Variants in MAML2 observed in about 807,000 individuals in gnomAD.
MAML2 encodes mastermind-like protein 2.
A neutral mutation model predicts 96.1 loss-of-function variants in MAML2; 22 were observed. The ratio of observed to expected loss-of-function variants is 0.23; its 90% CI spans 0.16 to 0.33. The LOEUF (loss-of-function observed/expected upper bound fraction) is 0.33, where lower values mean the gene tolerates loss of function less well. Among genes scored for constraint, MAML2 ranks in the 10% least tolerant of loss-of-function variants. MAML2 has a pLI of 1.00. For synonymous variants in MAML2, 561 were observed against 521.3 expected (o/e 1.08, Z -1.04); for missense variants, 1,367 against 1,392.4 (o/e 0.98, Z 0.29).
At chr11:96,310,668 C>T (rs1417012038) in intron 1 of MAML2, among the ~76,000 whole-genome samples, 1 of 152,192 alleles carries the variant, frequency 6.6e-6, no homozygotes, top group East Asian at 1.9e-4. Flanking sequence ...TAATAAGAAG[C>T]ACTGGACTAA....
rs1184932612 is a variant in MAML2, at chr11:96,221,806, C to T, written c.513+119577G>A. Among the ~76,000 whole-genome samples, 22 of 150,188 alleles carry T rather than the reference C, an allele frequency of 1.5e-4. No individual in the cohort carries two copies. The Admixed American group carries it at 1.5e-3, about 10-fold the overall frequency. On this transcript the variant is annotated intron_variant, in intron 1 of 4. Coordinates refer to ENST00000524717, the MANE Select transcript of MAML2 (RefSeq NM_032427.4). ...AACAGCTAAAATGTTGCCACATTTG[C>T]AGATGTGGCAGATGTGAGCAGAAGA...
intron 1 of MAML2, among the ~76,000 whole-genome samples, chr11:96,287,124 A>G (rs770130420): frequency 3.9e-5 from 6 of 152,250 alleles, no homozygotes; most frequent in Non-Finnish European, 8.8e-5. Flanking sequence ...TACAAGAATG[A>G]AGAATATTGT....
At chr11:96,334,458 C>G (rs1227672708) in intron 1 of MAML2, among the ~76,000 whole-genome samples, 3 of 152,150 alleles carry the variant, frequency 2.0e-5, no homozygotes, top group Non-Finnish European at 4.4e-5. Context: ...GAAAACACAA[C>G]TAAGTGTTAG....
intron 4 of MAML2, among the ~76,000 whole-genome samples, chr11:95,985,061 C>A (rs183553563): frequency 1.3e-5 from 2 of 152,130 alleles, no homozygotes; most frequent in Non-Finnish European, 2.9e-5. Context: ...TGAGAGACTT[C>A]GTGAAAACTA....
intron 1 of MAML2, among the ~76,000 whole-genome samples, chr11:96,218,404 C>T (rs1433808024): frequency 6.6e-6 from 1 of 152,106 alleles, no homozygotes; most frequent in Non-Finnish European, 1.5e-5. Flanking sequence ...CTTTTTTTAT[C>T]CTCAGCGTAC....
intron 2 of MAML2, among the ~76,000 whole-genome samples, chr11:96,031,450 C>A (rs1281562046): frequency 6.6e-6 from 1 of 152,130 alleles, no homozygotes; most frequent in Non-Finnish European, 1.5e-5. Flanking sequence ...ACTGCAGTAC[C>A]TCTCAGAGTC....
At chr11:96,066,515 C>A (rs531033790) in intron 2 of MAML2, among the ~76,000 whole-genome samples, 1 of 152,284 alleles carries the variant, frequency 6.6e-6, no homozygotes, top group South Asian at 2.1e-4. Flanking sequence ...TATATTTAGA[C>A]ACTTACTCTA....
chr11:96,026,205 A>T (rs1858514399), intron 2 of MAML2, among the ~76,000 whole-genome samples: 3 of 152,200 alleles, frequency 2.0e-5, no homozygotes, highest in Admixed American at 2.0e-4. Context: ...CTCCCATTAG[A>T]CTAAGAGTGT....
intron 1 of MAML2, among the ~76,000 whole-genome samples, chr11:96,178,510 G>A (rs546274258): frequency 9.2e-5 from 14 of 152,294 alleles, no homozygotes; most frequent in African/African-American, 3.4e-4. Flanking sequence ...CAGCCACAGA[G>A]AAACATCAGT....
chr11:96,085,513 A>G (rs143170892), intron 2 of MAML2, among the ~76,000 whole-genome samples: 1 of 152,330 alleles, frequency 6.6e-6, no homozygotes, highest in Non-Finnish European at 1.5e-5. Context: ...ATGAGTGCAA[A>G]GGGGATTGTT....
intron 2 of MAML2, among the ~76,000 whole-genome samples, chr11:96,078,085 C>T (rs1165832024): frequency 6.6e-6 from 1 of 152,072 alleles, no homozygotes; most frequent in Non-Finnish European, 1.5e-5. Flanking sequence ...CATTTCGAAC[C>T]TGGAGCCAGG....
At chr11:96,224,703 A>C (rs550100810) in intron 1 of MAML2, among the ~76,000 whole-genome samples, 1 of 152,348 alleles carries the variant, frequency 6.6e-6, no homozygotes, top group South Asian at 2.1e-4. Flanking sequence ...TCACCTCTGC[A>C]TAAGTGTATC....
At chr11:96,156,169 A>G (rs1010069437) in intron 1 of MAML2, among the ~76,000 whole-genome samples, 3 of 151,776 alleles carry the variant, frequency 2.0e-5, no homozygotes, top group African/African-American at 4.8e-5. Context: ...CTCTCCCCCA[A>G]CCACACAGAG....
chr11:96,259,571 G>A (rs1292513131), intron 1 of MAML2, among the ~76,000 whole-genome samples: 2 of 152,310 alleles, frequency 1.3e-5, no homozygotes, highest in African/African-American at 4.8e-5. Context: ...GTATGCTGGA[G>A]AAAACTCTTT....
At chr11:96,007,009 T>A (rs1191254180) in intron 2 of MAML2, among the ~76,000 whole-genome samples, 1 of 151,602 alleles carries the variant, frequency 6.6e-6, no homozygotes. Flanking sequence ...AATCTTTTTT[T>A]TTATTATTTT....
At chr11:96,087,108 A>G (rs1859628769) in intron 2 of MAML2, among the ~76,000 whole-genome samples, 1 of 152,162 alleles carries the variant, frequency 6.6e-6, no homozygotes, top group Non-Finnish European at 1.5e-5. Flanking sequence ...CAGTGTCCTC[A>G]CCTGTGAAAA....
At chr11:96,338,098 C>T (rs1427237621) in intron 1 of MAML2, among the ~76,000 whole-genome samples, 7 of 152,144 alleles carry the variant, frequency 4.6e-5, no homozygotes, top group African/African-American at 1.7e-4. Context: ...ATCTATGCAA[C>T]AGAAAAAGAG....
intron 1 of MAML2, among the ~76,000 whole-genome samples, chr11:96,206,806 T>G (rs140757320): frequency 6.6e-6 from 1 of 152,186 alleles, no homozygotes; most frequent in South Asian, 2.1e-4. Context: ...CAACTCCATA[T>G]TATTATTTAT....
chr11:96,126,111 T>TG (rs1272653943), intron 1 of MAML2, among the ~76,000 whole-genome samples: 1 of 152,168 alleles, frequency 6.6e-6, no homozygotes, highest in Non-Finnish European at 1.5e-5. Flanking sequence ...GCCCTAACTA[T>TG]GTAGTCAGCA....
Sources: gnomAD v4.1 joint callset for allele counts (sites outside exome capture counted in the v4.1 genomes callset) on GRCh38, gnomAD v4.1.1 for gene constraint, MANE v1.5 for transcripts, NCBI Gene and HGNC (gene_info 2026-07-23, HGNC 2026-07-21) for gene names.